FRMD4A: variants seen among roughly 807,000 people sequenced by gnomAD.
FRMD4A encodes FERM domain containing 4A.
Under a neutral mutation model 129.1 loss-of-function variants are expected in FRMD4A, and 29 were observed. That is an observed-to-expected ratio of 0.22 (90% CI 0.17 to 0.31). The LOEUF is 0.31. Ranked by LOEUF, FRMD4A falls within the 10% of genes least tolerant of loss-of-function variation. The pLI is 1.00. For missense variants in FRMD4A, 1,272 were observed against 1,375.8 expected, an observed-to-expected ratio of 0.92 and a Z score of 1.19; for synonymous variants, 634 against 571.6, an observed-to-expected ratio of 1.11 and a Z score of -1.56.
chr10:13,851,245 A>G (rs1473208366), intron 3 of FRMD4A, among the ~76,000 whole-genome samples: 5 of 152,214 alleles, frequency 3.3e-5, no homozygotes, highest in Non-Finnish European at 7.4e-5. Context: ...AAGAAAAAGA[A>G]AAAGAATTGT....
At chr10:13,932,130 T>C (rs2095205119) in intron 2 of FRMD4A, among the ~76,000 whole-genome samples, 1 of 152,260 alleles carries the variant, frequency 6.6e-6, no homozygotes. Context: ...GAAAACATTT[T>C]TGTCCAGACC....
chr10:14,313,021 C>A (rs1846610227), intron 2 of FRMD4A, among the ~76,000 whole-genome samples: 1 of 151,924 alleles, frequency 6.6e-6, no homozygotes, highest in South Asian at 2.1e-4. Flanking sequence ...ATGTATAACC[C>A]TTTGTATTTT....
At chr10:13,978,306 C>T (rs2095549071) in intron 2 of FRMD4A, among the ~76,000 whole-genome samples, 1 of 152,100 alleles carries the variant, frequency 6.6e-6, no homozygotes, top group South Asian at 2.1e-4. Flanking sequence ...CATGCTTTAG[C>T]CCCCAGCAGG....
chr10:14,197,147 C>T (rs1842494317), intron 2 of FRMD4A, among the ~76,000 whole-genome samples: 1 of 152,162 alleles, frequency 6.6e-6, no homozygotes, highest in Non-Finnish European at 1.5e-5. Context: ...AACCCAGAAA[C>T]TCCCTGGTCT....
At chr10:14,055,323 C>T (rs2131693267) in intron 2 of FRMD4A, among the ~76,000 whole-genome samples, 1 of 152,236 alleles carries the variant, frequency 6.6e-6, no homozygotes, top group Admixed American at 6.5e-5. Flanking sequence ...CAGTCTTCAT[C>T]CTCACGTCTT....
In FRMD4A at chr10:14,100,678, T is replaced by C. The variant is rs533461993; in HGVS notation, c.45+229380A>G. 3.9e-5 allele frequency among the ~76,000 whole-genome samples: 6 copies of C among 152,236 alleles called. No individual in the cohort carries two copies. The South Asian group carries it at 1.0e-3, about 26-fold the overall frequency. On this transcript the variant is annotated intron_variant, in intron 2 of 24. Coordinates refer to ENST00000357447, the MANE Select transcript of FRMD4A (RefSeq NM_018027.5). ...TCAAGATTGTTGAAGTTAAGATTAT[T>C]GAAGATTATTTCATGCTGAAAATAG...
At position 13,715,731 on chromosome 10, in the gene FRMD4A, C is replaced by T. The variant is rs560222034; in HGVS notation, c.760-8618G>A. On this transcript the variant is annotated intron_variant, in intron 12 of 24. Transcript: ENST00000357447. ...GACCAGCCTGGCCAACATGGTGAAA[C>T]CCAGTCTCTACTAAAGATACAAAAA... is the stretch of plus-strand genomic sequence containing the variant. 9.2e-5 allele frequency among the ~76,000 whole-genome samples: 14 copies of T among 152,044 alleles called. No homozygotes were observed. In the South Asian group the frequency reaches 2.3e-3, roughly 25 times the overall value.
At chr10:14,095,717 C>T (rs2131763003) in intron 2 of FRMD4A, among the ~76,000 whole-genome samples, 1 of 152,332 alleles carries the variant, frequency 6.6e-6, no homozygotes, top group South Asian at 2.1e-4. Flanking sequence ...ACCACATGTG[C>T]TGGTTTTAGC....
intron 3 of FRMD4A, among the ~76,000 whole-genome samples, chr10:13,814,833 T>C (rs902480199): frequency 6.6e-6 from 1 of 152,004 alleles, no homozygotes; most frequent in Non-Finnish European, 1.5e-5. Flanking sequence ...CATAGAATGA[T>C]TGGGCCTGAA....
Position 14,214,497 on chromosome 10 carries a change from G to T in FRMD4A, c.45+115561C>A, listed in dbSNP as rs1024627408. On this transcript the variant is annotated intron_variant, in intron 2 of 24. Transcript: ENST00000357447. ...GTTTAAAGTTCTGGCTAGCTCTAAT[G>T]TCCTATAACCTGTCTCATTTGAACC... 3.9e-4 allele frequency among the ~76,000 whole-genome samples: 59 copies of T among 152,178 alleles called. 4 individuals carry two copies.
rs538828752 is a variant in FRMD4A at position 14,125,078 on chromosome 10, T to C, written c.45+204980A>G. 1.2e-4 allele frequency among the ~76,000 whole-genome samples: 18 copies of C among 152,286 alleles called. No individual in the cohort carries two copies. The South Asian group carries it at 3.7e-3, about 32-fold the overall frequency. ...ATGAGGTCGACGAAAGTAAAGTTAATGAAGCAACTCAGCTATCACCGGAAT... is the reference window on the plus strand; with the variant it reads ...ATGAGGTCGACGAAAGTAAAGTTAACGAAGCAACTCAGCTATCACCGGAAT... On this transcript the variant is annotated intron_variant, in intron 2 of 24. Transcript: ENST00000357447.
At position 14,201,901 on chromosome 10, in the gene FRMD4A, C is replaced by T. The variant is rs549638886; in HGVS notation, c.45+128157G>A. Among the ~76,000 whole-genome samples the T allele has an allele frequency of 6.6e-5, 10 of 152,142 alleles. No individual in the cohort carries two copies. The East Asian group carries it at 1.4e-3, about 21-fold the overall frequency. On this transcript the variant is annotated intron_variant, in intron 2 of 24. Transcript: ENST00000357447. ...ATCCCAGCACTTTGGGAGGCTGAGGCGGCTGGATCATAAGGTCAGGAGTTT... is the reference window on the plus strand; with the variant it reads ...ATCCCAGCACTTTGGGAGGCTGAGGTGGCTGGATCATAAGGTCAGGAGTTT...
intron 2 of FRMD4A, among the ~76,000 whole-genome samples, chr10:13,922,457 A>G (rs1238572393): frequency 1.3e-5 from 2 of 152,222 alleles, no homozygotes; most frequent in East Asian, 3.8e-4. Context: ...GTAAAACACA[A>G]AGAGGTTAAA....
Position 13,656,653 on chromosome 10 carries a change from A to G in FRMD4A, c.2936T>C (p.Met979Thr). ...CCTCTCACCTGACGTGGCCTTGCAC[A>G]TCTGGGGCATCCTGGTGACCCTGCT... ...AHSRVTRMPQ[M>T]CKATSAALPQ... The change falls in exon 22 of 25, where the codon ATG becomes ACG. Residue 979 changes from methionine to threonine, a missense_variant. By Grantham distance (81) the Met-to-Thr change is moderately conservative (BLOSUM62 -1). Coordinates refer to ENST00000357447, the MANE Select transcript of FRMD4A (RefSeq NM_018027.5). 6.7e-7 allele frequency: 1 copy of G among 1,486,374 alleles called. No individual in the cohort carries two copies. The highest frequency in any genetic ancestry group is 9.0e-7 in the Non-Finnish European group (1 of 1,111,990). The allele number at this position is 1,486,374 out of a possible 1,614,324, so 92.1% of individuals were successfully genotyped here.
chr10:13,670,453 C>T lies in FRMD4A; in HGVS notation c.1327G>A (p.Gly443Arg), dbSNP rs371981770. Residue 443 changes from glycine (G) to arginine (R), a missense_variant, in exon 17 of 25, where the codon GGA becomes AGA. Transcript: ENST00000357447. ...EEPPIVRRRIGTAFKLDEQKI... is the reference protein window; with the variant it reads ...EEPPIVRRRIRTAFKLDEQKI... ...TGTTCATCCAGTTTGAAGGCTGTTC[C>T]TATTCTTCTCCGAACAATGGGTGGT... 6.8e-5 allele frequency: 109 copies of T among 1,613,450 alleles called. No homozygotes were observed. Among genetic ancestry groups the T allele is most frequent in the Admixed American group, 1.5e-4 (9 of 59,990 alleles).
chr10:14,133,829 G>C (rs2131831856), intron 2 of FRMD4A, among the ~76,000 whole-genome samples: 1 of 152,330 alleles, frequency 6.6e-6, no homozygotes, highest in South Asian at 2.1e-4. Flanking sequence ...TCGAGGACAA[G>C]GGGCCAACCT....
chr10:13,660,769 G>T (rs1371945993), intron 19 of FRMD4A, among the ~76,000 whole-genome samples: 8 of 152,182 alleles, frequency 5.3e-5, no homozygotes, highest in Non-Finnish European at 1.2e-4. Flanking sequence ...CACTGCAGGC[G>T]GGATTGCATG....
At chr10:13,841,407 T>A (rs999148904) in intron 3 of FRMD4A, among the ~76,000 whole-genome samples, 2 of 152,186 alleles carry the variant, frequency 1.3e-5, no homozygotes, top group Non-Finnish European at 2.9e-5. Flanking sequence ...TGACTTGGAA[T>A]GGGGACTGAT....
At chr10:13,895,885 A>C (rs1346366707) in intron 2 of FRMD4A, among the ~76,000 whole-genome samples, 1 of 152,238 alleles carries the variant, frequency 6.6e-6, no homozygotes, top group East Asian at 1.9e-4. Flanking sequence ...TCTCAAAAGA[A>C]GACATTTATG....
Sources: gnomAD v4.1 joint callset for allele counts (sites outside exome capture counted in the v4.1 genomes callset) on GRCh38, gnomAD v4.1.1 for gene constraint, MANE v1.5 for transcripts, NCBI Gene and HGNC (gene_info 2026-07-23, HGNC 2026-07-21) for gene names.